The following APC2 variants were observed in gnomAD, a reference collection of about 807,000 sequenced individuals.
APC2 encodes the protein adenomatous polyposis coli protein 2.
Under a neutral mutation model 72.5 loss-of-function variants are expected in APC2, and 41 were observed. That is an observed-to-expected ratio of 0.57 (90% confidence interval 0.44 to 0.73). The LOEUF (loss-of-function observed/expected upper bound fraction) is 0.73, where lower values mean the gene tolerates loss of function less well. APC2 is among the 30% of genes least tolerant of loss of function. The probability of loss-of-function intolerance (pLI) is 0.00; values close to 1 mark genes in which losing one functional copy is unlikely to be tolerated. For synonymous variants in APC2, 1,898 were observed against 1,612.0 expected (o/e 1.18, Z -4.25); for missense variants, 3,729 against 3,403.4 (o/e 1.10, Z -2.38).
chr19:1,448,558 A>AG, upstream of APC2, among the ~76,000 whole-genome samples: 1 of 150,274 alleles, frequency 6.7e-6, no homozygotes, highest in South Asian at 2.1e-4. Context: ...AAAAAAAAAA[A>AG]AAAAAGGCCG....
chr19:1,453,495 GCCTGCCGCCC>G lies in APC2; in HGVS notation c.298_307del (p.Pro100GlyfsTer21). 1 of 1,606,408 alleles carries G rather than the reference GCCTGCCGCCC, an allele frequency of 6.2e-7. No homozygotes were observed. Among genetic ancestry groups the G allele is most frequent in the Non-Finnish European group, 8.5e-7 (1 of 1,175,478 alleles). On this transcript the variant is annotated frameshift_variant, in exon 4 of 15. Transcript: ENST00000590469. LOFTEE classifies it high-confidence loss of function. Reference sequence around the variant, plus strand: ...TCCAGCCGCCCACCCTGGGCCCGGAGCCTGCCGCCCGGACCCCCGAGGGCAGCCCAGTACA... The same window carrying G: ...TCCAGCCGCCCACCCTGGGCCCGGAGGGACCCCCGAGGGCAGCCCAGTACA...
At position 1,460,771 on chromosome 19, in the gene APC2, C is replaced by T. The variant is rs780217496; in HGVS notation, c.1444-9C>T. The T allele has an allele frequency of 8.2e-5, 132 of 1,612,470 alleles. 1 individual carries two copies. Among genetic ancestry groups the T allele is most frequent in the Non-Finnish European group, 6.6e-5 (78 of 1,179,532 alleles). Reference sequence around the variant, plus strand: ...AACCCCGTGACCCCGGCTGCATAACCCCCAACAGGCCACCCTGTGTGCGCG... The same window carrying T: ...AACCCCGTGACCCCGGCTGCATAACTCCCAACAGGCCACCCTGTGTGCGCG... On this transcript the variant is annotated splice_polypyrimidine_tract_variant and intron_variant, in intron 11 of 14. Coordinates refer to ENST00000590469, the MANE Select transcript of APC2 (RefSeq NM_005883.3).
chr19:1,464,450 G>C (rs1279964997), intron 14 of APC2, among the ~76,000 whole-genome samples: 1 of 151,912 alleles, frequency 6.6e-6, no homozygotes, highest in African/African-American at 2.4e-5. Context: ...CAGCCCTTTG[G>C]GAGGCTGAGG....
chr19:1,453,565 C>A lies in APC2; in HGVS notation c.367C>A (p.Leu123Met), dbSNP rs1479099925. ...SGPSKDSFGELSRATIRLLEE... is the reference protein window; with the variant it reads ...SGPSKDSFGEMSRATIRLLEE... ...GCCCTCCAAGGACAGCTTTGGGGAG[C>A]TGAGCCGGGCCACCATCCGGCTGCT... The change falls in exon 4 of 15, where the codon CTG becomes ATG. Residue 123 changes from leucine (L) to methionine (M), a missense_variant. Transcript: ENST00000590469. 6.2e-7 allele frequency: 1 copy of A among 1,610,604 alleles called. No homozygotes were observed. The highest frequency in any genetic ancestry group is 8.5e-7 in the Non-Finnish European group (1 of 1,179,116).
chr19:1,467,372 G>C lies in APC2; in HGVS notation c.4071G>C (p.Lys1357Asn). ...LGAAVPARLR[K>N]VASALVPGRR... ...CCGCCGTGCCTGCCCGGCTGCGCAA[G>C]GTGGCCTCCGCGCTGGTGCCAGGTC... is the stretch of plus-strand genomic sequence containing the variant. The change falls in exon 15 of 15, where the codon AAG (lysine) becomes AAC (asparagine). Residue 1357 changes from lysine (K) to asparagine (N), a missense_variant. Physicochemically the swap from Lys to Asn is moderately conservative, Grantham distance 94. Coordinates refer to ENST00000590469, the MANE Select transcript of APC2 (RefSeq NM_005883.3). The C allele has an allele frequency of 1.3e-6, 2 of 1,481,820 alleles. No individual in the cohort carries two copies. The highest frequency in any genetic ancestry group is 1.8e-6 in the Non-Finnish European group (2 of 1,121,798). 91.8% of individuals were successfully genotyped at this position (1,481,820 alleles called of 1,614,324 possible). A position where few individuals can be genotyped will look rare whatever the true frequency, so the allele number is the denominator to read the frequency against.
rs370595678 is a variant in APC2 at position 1,465,187 on chromosome 19, C to A, written c.1886C>A (p.Thr629Lys). 2 of 1,606,452 alleles carry A rather than the reference C, an allele frequency of 1.2e-6. No homozygotes were observed. The highest frequency in any genetic ancestry group is 1.7e-6 in the Non-Finnish European group (2 of 1,177,352). ...CTCCGGGATCACAACTGTCTGCAGA[C>A]GCTGCTGCAGCATCTGACTTCGCAC... is the stretch of plus-strand genomic sequence containing the variant. The part of the protein sequence containing the change: ...QVLRDHNCLQ[T>K]LLQHLTSHSL... Residue 629 changes from threonine (T) to lysine (K), a missense_variant, in exon 15 of 15, where the codon ACG becomes AAG. Coordinates refer to ENST00000590469, the MANE Select transcript of APC2 (RefSeq NM_005883.3).
Position 1,469,071 on chromosome 19 carries a change from C to T in APC2, c.5770C>T (p.Gln1924Ter). The T allele has an allele frequency of 6.6e-7, 1 of 1,515,928 alleles. No homozygotes were observed. The allele number at this position is 1,515,928 out of a possible 1,614,324, so 93.9% of individuals were successfully genotyped here. Residue 1924 changes from glutamine (Q) to a stop codon, truncating the protein, a stop_gained, in exon 15 of 15, where the codon CAG (glutamine) becomes TAG (stop). Coordinates refer to ENST00000590469, the MANE Select transcript of APC2 (RefSeq NM_005883.3). LOFTEE classifies it low-confidence loss of function (END_TRUNC). ...RTLLAKQHKT[Q>*]RSPVRIPFMQ... ...CCTTCTGGCGAAGCAGCACAAGACG[C>T]AGAGATCGCCCGTGCGGATCCCGTT...
chr19:1,458,070 C>T lies in APC2; in HGVS notation c.1303+10C>T. ...GCCATGAACGAGCTAGGTGAGTGTCCCAGGTCCTCTGGGAAGCCATCCTCC... is the reference window on the plus strand; with the variant it reads ...GCCATGAACGAGCTAGGTGAGTGTCTCAGGTCCTCTGGGAAGCCATCCTCC... On this transcript the variant is annotated intron_variant, in intron 10 of 14. Coordinates refer to ENST00000590469, the MANE Select transcript of APC2 (RefSeq NM_005883.3). 1.9e-6 allele frequency: 3 copies of T among 1,555,996 alleles called. No homozygotes were observed. Among genetic ancestry groups the T allele is most frequent in the Non-Finnish European group, 2.6e-6 (3 of 1,148,864 alleles).
intron 14 of APC2, 131 bp from the exon 15 acceptor site, chr19:1,465,024 A>T: frequency 2.1e-6 from 2 of 942,228 alleles, no homozygotes; most frequent in Admixed American, 6.2e-5. Flanking sequence ...ACTTATACCA[A>T]AAATTAGTCT....
rs761470970 is a variant in APC2 at position 1,457,941 on chromosome 19, C to G, written c.1208-24C>G. 37 of 1,522,646 alleles carry G rather than the reference C, an allele frequency of 2.4e-5. No individual in the cohort carries two copies. The Admixed American group carries it at 7.0e-4, about 29-fold the overall frequency. 94.3% of individuals were successfully genotyped at this position (1,522,646 alleles called of 1,614,324 possible). A position where few individuals can be genotyped will look rare whatever the true frequency, so the allele number is the denominator to read the frequency against. ...GGGACATTTCCTGGGAATGGGGGCT[C>G]TGATCTGGTCCCTGTGCCCACAGCC... is the stretch of plus-strand genomic sequence containing the variant. On this transcript the variant is annotated intron_variant, in intron 9 of 14. Transcript: ENST00000590469.
chr19:1,457,387 T>C, intron 9 of APC2, 144 bp downstream of exon 9: 1 of 1,223,282 alleles, frequency 8.2e-7, no homozygotes, highest in Non-Finnish European at 1.1e-6. Flanking sequence ...CCGAGGCCTG[T>C]GGGGGCATTT....
In APC2 at chr19:1,452,790, C is replaced by A; in HGVS notation, c.-18-194C>A. ...GGGGCCACCTCTCACTCCACCTGCCCCTCTGCGCCCCGGATTGCCTGGCCA... is the reference window on the plus strand; with the variant it reads ...GGGGCCACCTCTCACTCCACCTGCCACTCTGCGCCCCGGATTGCCTGGCCA... On this transcript the variant is annotated intron_variant, in intron 1 of 14. Transcript: ENST00000590469. This position sits in a 1 kb window ranked among gnomAD's most constrained non-coding sequence, Gnocchi z 5.1. The A allele has an allele frequency of 1.6e-6, 1 of 631,330 alleles. No homozygotes were observed. 39.1% of individuals were successfully genotyped at this position (631,330 alleles called of 1,614,324 possible).
rs970455662 is a variant in APC2 at position 1,457,718 on chromosome 19, G to C, written c.1208-247G>C. 14 of 574,354 alleles carry C rather than the reference G, an allele frequency of 2.4e-5. No homozygotes were observed. In the African/African-American group the frequency reaches 2.6e-4, roughly 11 times the overall value. 35.6% of individuals were successfully genotyped at this position (574,354 alleles called of 1,614,324 possible). ...GTCTCGTCAGTTTTATTTTTAAAAA[G>C]GGCAGAAGCACAGCTGAAAGGTGTG... On this transcript the variant is annotated intron_variant, in intron 9 of 14. Transcript: ENST00000590469.
At chr19:1,463,964 C>G (rs1316602303) in intron 14 of APC2, among the ~76,000 whole-genome samples, 1 of 152,022 alleles carries the variant, frequency 6.6e-6, no homozygotes, top group Non-Finnish European at 1.5e-5. Context: ...CACCTGAGGT[C>G]AGGAGTTTGA....
intron 6 of APC2, 40 bp from the exon 7 acceptor site, chr19:1,456,036 G>A: frequency 1.3e-6 from 2 of 1,498,372 alleles, no homozygotes; most frequent in Non-Finnish European, 1.8e-6. Flanking sequence ...GCCGGGGGCG[G>A]GGTCAGCTCC....
At position 1,452,576 on chromosome 19, in the gene APC2, C is replaced by T. The variant is rs1045172608; in HGVS notation, c.-18-408C>T. On this transcript the variant is annotated intron_variant, in intron 1 of 14. Transcript: ENST00000590469. This position sits in a 1 kb window ranked among gnomAD's most constrained non-coding sequence, Gnocchi z 5.1. ...GTCTGTCGCCCTCTCTGGCTGTGAG[C>T]CTGGGGGTGCTGGGCTGGCCAGTCG... 3 of 179,096 alleles carry T rather than the reference C, an allele frequency of 1.7e-5. No individual in the cohort carries two copies. Among genetic ancestry groups the T allele is most frequent in the Non-Finnish European group, 3.6e-5 (3 of 84,398 alleles). 11.1% of individuals were successfully genotyped at this position (179,096 alleles called of 1,614,324 possible).
chr19:1,446,381 C>A, upstream of APC2: 4 of 984,804 alleles, frequency 4.1e-6, no homozygotes, highest in Non-Finnish European at 4.8e-6. The surrounding 1 kb of genome is among the most constrained non-coding windows in gnomAD (Gnocchi z 6.1). Flanking sequence ...GGGCTCCGGG[C>A]CGCGCAGGAA....
chr19:1,455,389 C>G lies in APC2; in HGVS notation c.528C>G (p.Phe176Leu), dbSNP rs746968102. The G allele has an allele frequency of 6.2e-7, 1 of 1,608,906 alleles. No individual in the cohort carries two copies. Residue 176 changes from phenylalanine to leucine, a missense_variant, in exon 6 of 15, where the codon TTC (phenylalanine) becomes TTG (leucine). Physicochemically the swap from Phe to Leu is conservative, Grantham distance 22 (BLOSUM62 0). Transcript: ENST00000590469. Reference protein sequence around the residue: ...LDELPHVETQFSMQMDLIRQQ... With the variant: ...LDELPHVETQLSMQMDLIRQQ... The stretch of plus-strand genomic sequence containing the variant: ...CGCCCGCCTGCCTTTGCCAGCAGTT[C>G]TCGATGCAGATGGACCTGATCCGGC...
intron 10 of APC2, among the ~76,000 whole-genome samples, chr19:1,459,021 C>T (rs1041640142): frequency 6.6e-6 from 1 of 151,918 alleles, no homozygotes; most frequent in African/African-American, 2.4e-5. Context: ...TGAAACATTT[C>T]CTGCTCATCC....
Sources: allele counts gnomAD v4.1 joint callset (sites outside exome capture counted in the v4.1 genomes callset), GRCh38; gene constraint gnomAD v4.1.1; non-coding constraint Gnocchi (gnomAD v3.1); transcripts MANE v1.5; gene names NCBI Gene and HGNC (gene_info 2026-07-23, HGNC 2026-07-21).